The following RYR2 variants were observed in gnomAD, a reference collection of about 807,000 sequenced individuals.
The protein encoded by RYR2 is cardiac muscle ryanodine receptor-calcium release channel.
Under a neutral mutation model 601.1 loss-of-function variants are expected in RYR2, and 227 were observed. The ratio of observed to expected loss-of-function variants is 0.38; its 90% confidence interval spans 0.34 to 0.42. The LOEUF is 0.42. Ranked by LOEUF, RYR2 falls within the 10% of genes least tolerant of loss-of-function variation. The pLI, the probability that RYR2 is intolerant of heterozygous loss-of-function variation, is 1.00. For synonymous variants in RYR2, 2,223 were observed against 2,175.1 expected (o/e 1.02, Z -0.61); for missense variants, 4,646 against 6,156.5 (o/e 0.75, Z 8.21).
intron 2 of RYR2, among the ~76,000 whole-genome samples, chr1:237,326,674 A>C (rs1413183159): frequency 6.6e-6 from 1 of 152,230 alleles, no homozygotes; most frequent in Non-Finnish European, 1.5e-5. Context: ...ACGTTCTTTC[A>C]CATTGAAGTT....
intron 1 of RYR2, among the ~76,000 whole-genome samples, chr1:237,109,499 C>T (rs966073579): frequency 1.5e-4 from 23 of 151,952 alleles, no homozygotes; most frequent in African/African-American, 5.1e-4. Context: ...CTATGCTTTC[C>T]ATCCCTAAAA....
intron 10 of RYR2, among the ~76,000 whole-genome samples, chr1:237,400,750 C>T (rs532020514): frequency 5.9e-5 from 9 of 152,044 alleles, no homozygotes; most frequent in East Asian, 5.8e-4. Context: ...TCCTTTCCCC[C>T]GAAAGTAGAG....
intron 17 of RYR2, among the ~76,000 whole-genome samples, chr1:237,484,634 A>G (rs1029751193): frequency 1.6e-4 from 25 of 152,196 alleles, no homozygotes; most frequent in Non-Finnish European, 2.9e-5. Flanking sequence ...TAGTTTTTCT[A>G]TACAGATTCT....
At chr1:237,595,802 C>T (rs1675833711) in intron 34 of RYR2, 145 bp downstream of exon 34, 1 of 889,676 alleles carries the variant, frequency 1.1e-6, no homozygotes, top group East Asian at 2.9e-5. Context: ...CAGACCTGCC[C>T]CTAGCAAGCC....
chr1:237,495,766 G>A (rs1011066166), intron 19 of RYR2, among the ~76,000 whole-genome samples: 1 of 152,092 alleles, frequency 6.6e-6, no homozygotes, highest in South Asian at 2.1e-4. Context: ...ACCTACCTCA[G>A]CCCCATGCCC....
intron 1 of RYR2, among the ~76,000 whole-genome samples, chr1:237,062,160 G>C (rs1662967229): frequency 1.3e-5 from 2 of 152,250 alleles, no homozygotes; most frequent in Non-Finnish European, 2.9e-5. Flanking sequence ...TTTGTTATAT[G>C]TTGGTGTTCA....
At chr1:237,059,803 C>T (rs1662621498) in intron 1 of RYR2, among the ~76,000 whole-genome samples, 2 of 152,180 alleles carry the variant, frequency 1.3e-5, no homozygotes, top group Non-Finnish European at 1.5e-5. Context: ...ATAATTTTTA[C>T]TGCATGATAA....
chr1:237,382,908 G>A lies in RYR2; in HGVS notation c.577-4373G>A, dbSNP rs536008855. On this transcript the variant is annotated intron_variant, in intron 8 of 104. Coordinates refer to ENST00000366574, the MANE Select transcript of RYR2 (RefSeq NM_001035.3). The stretch of plus-strand genomic sequence containing the variant: ...ACATCTATTTCTCTGCCCCTCATTT[G>A]TTTTTGTTTTTTTTTTTTCAGAAGA... Among the ~76,000 whole-genome samples the A allele has an allele frequency of 6.9e-5, 9 of 129,668 alleles. 1 individual carries two copies. Among genetic ancestry groups the A allele is most frequent in the African/African-American group, 2.9e-4 (9 of 30,676 alleles). 85.1% of individuals were successfully genotyped at this position (129,668 alleles called of 152,430 possible). A position where few individuals can be genotyped will look rare whatever the true frequency, so the allele number is the denominator to read the frequency against.
rs1553325274 is a variant in RYR2 at position 237,788,071 on chromosome 1, G to C, written c.13412G>C (p.Gly4471Ala). The C allele has an allele frequency of 9.3e-6, 15 of 1,612,418 alleles. No individual in the cohort carries two copies. Among genetic ancestry groups the C allele is most frequent in the Non-Finnish European group, 1.3e-5 (15 of 1,179,090 alleles). The change falls in exon 92 of 105, where the codon GGA becomes GCA. Residue 4471 changes from glycine (G) to alanine (A), a missense_variant. By Grantham distance (60) the Gly-to-Ala change is moderately conservative. Coordinates refer to ENST00000366574, the MANE Select transcript of RYR2 (RefSeq NM_001035.3). ...AGGCAGCTTCACACACACAGATACG[G>C]AGAACCAGAAGTGCCAGAGTCAGCA... ...KLRQLHTHRYGEPEVPESAFW... is the reference protein window; with the variant it reads ...KLRQLHTHRYAEPEVPESAFW...
intron 2 of RYR2, among the ~76,000 whole-genome samples, chr1:237,286,365 C>T (rs1691557543): frequency 6.6e-6 from 1 of 151,720 alleles, no homozygotes; most frequent in South Asian, 2.1e-4. Flanking sequence ...CAGTTTTATG[C>T]CACTGTGGTC....
At chr1:237,700,769 C>T (rs374998511) in intron 65 of RYR2, among the ~76,000 whole-genome samples, 7 of 152,022 alleles carry the variant, frequency 4.6e-5, no homozygotes, top group Non-Finnish European at 1.0e-4. Context: ...TTCACATAAA[C>T]GTTTTAATGC....
At chr1:237,402,412 A>G (rs1213478007) in intron 10 of RYR2, among the ~76,000 whole-genome samples, 2 of 151,326 alleles carry the variant, frequency 1.3e-5, no homozygotes, top group Admixed American at 6.6e-5. Flanking sequence ...AAAAAAATAT[A>G]TATATGTATG....
At chr1:237,816,814 C>T (rs761833677) in intron 100 of RYR2, among the ~76,000 whole-genome samples, 7 of 152,132 alleles carry the variant, frequency 4.6e-5, no homozygotes, top group Non-Finnish European at 7.4e-5. Flanking sequence ...CTCACAGATT[C>T]ACTGTTAGCA....
intron 56 of RYR2, 148 bp downstream of exon 56, chr1:237,661,095 AT>A (rs948129205): frequency 5.1e-4 from 395 of 769,662 alleles, no homozygotes; most frequent in Non-Finnish European, 5.7e-4. Flanking sequence ...CTATATATAT[AT>A]TTTTTTTAGT....
At chr1:237,433,639 A>C (rs1278521203) in intron 12 of RYR2, among the ~76,000 whole-genome samples, 1 of 152,182 alleles carries the variant, frequency 6.6e-6, no homozygotes, top group Non-Finnish European at 1.5e-5. Context: ...TATTGGATTC[A>C]CTTAAAGGTA....
At chr1:237,621,082 T>A (rs969994712) in intron 38 of RYR2, among the ~76,000 whole-genome samples, 1 of 152,136 alleles carries the variant, frequency 6.6e-6, no homozygotes, top group Admixed American at 6.5e-5. Context: ...CACATTGTTA[T>A]CAAATTAGAA....
intron 2 of RYR2, among the ~76,000 whole-genome samples, chr1:237,297,753 CAT>C (rs1427249723): frequency 6.6e-6 from 1 of 151,186 alleles, no homozygotes. Flanking sequence ...TTTGTGTTGA[CAT>C]AATTTTTTTT....
In RYR2 at chr1:237,498,197, G is replaced by GTA. The variant is rs1254636416; in HGVS notation, c.2203+1455_2203+1456dup. ...TTTAATTTTTGTGAGTACATAAAAG[G>GTA]TATATATATATTTATGGGGTTGAAG... On this transcript the variant is annotated intron_variant, in intron 20 of 104. Transcript: ENST00000366574. Among the ~76,000 whole-genome samples, 7 of 151,870 alleles carry GTA rather than the reference G, an allele frequency of 4.6e-5. No individual in the cohort carries two copies. The East Asian group carries it at 1.4e-3, about 29-fold the overall frequency.
chr1:237,777,363 C>T (rs1471726871), intron 87 of RYR2, among the ~76,000 whole-genome samples: 1 of 152,112 alleles, frequency 6.6e-6, no homozygotes, highest in Non-Finnish European at 1.5e-5. Flanking sequence ...GATGCTGAGA[C>T]AGGAAAAAGT....
Sources: allele counts gnomAD v4.1 joint callset (sites outside exome capture counted in the v4.1 genomes callset), GRCh38; gene constraint gnomAD v4.1.1; transcripts MANE v1.5; gene names NCBI Gene and HGNC (gene_info 2026-07-23, HGNC 2026-07-21).